Variants in TENM2 observed in about 807,000 individuals in gnomAD.
The protein encoded by TENM2 is teneurin transmembrane protein 2, also known as teneurin-2.
A neutral mutation model predicts 245.2 loss-of-function variants in TENM2; 52 were observed. The observed-to-expected ratio is 0.21, with a 90% CI of 0.17 to 0.27. The LOEUF (loss-of-function observed/expected upper bound fraction) is 0.27, where lower values mean the gene tolerates loss of function less well. TENM2 is among the 10% of genes least tolerant of loss of function. TENM2 has a pLI of 1.00. For synonymous variants in TENM2, 1,363 were observed against 1,438.9 expected, an observed-to-expected ratio of 0.95 and a Z score of 1.19; for missense variants, 3,046 against 3,666.8, an observed-to-expected ratio of 0.83 and a Z score of 4.37.
At chr5:167,156,510 C>A in the TENM2 span, among the ~76,000 whole-genome samples, 6 of 152,118 alleles carry the variant, frequency 3.9e-5, no homozygotes, top group African/African-American at 1.2e-4. Context: ...GGAAAGTTTT[C>A]TTTGTCATTG....
chr5:168,253,229 A>C (rs1767294092), intron 27 of TENM2, among the ~76,000 whole-genome samples: 1 of 151,862 alleles, frequency 6.6e-6, no homozygotes, highest in African/African-American at 2.4e-5. Flanking sequence ...GGCCTCCCAA[A>C]GTGCTGGGAT....
At chr5:167,783,684 C>T (rs564557952) in intron 2 of TENM2, among the ~76,000 whole-genome samples, 9 of 152,170 alleles carry the variant, frequency 5.9e-5, no homozygotes, top group Non-Finnish European at 1.3e-4. Context: ...TAGAGGCAAG[C>T]TTCCAAATCA....
chr5:167,497,226 G>A (rs1305157613), intron 2 of TENM2, among the ~76,000 whole-genome samples: 1 of 152,004 alleles, frequency 6.6e-6, no homozygotes, highest in African/African-American at 2.4e-5. Flanking sequence ...AATGCTACCT[G>A]CTCCTCACTT....
At chr5:167,258,073 A>G in the TENM2 span, among the ~76,000 whole-genome samples, 5 of 151,908 alleles carry the variant, frequency 3.3e-5, no homozygotes, top group African/African-American at 9.7e-5. Flanking sequence ...CAAAATTCAT[A>G]ATGATCATTT....
intron 1 of TENM2, among the ~76,000 whole-genome samples, chr5:167,372,541 C>A (rs1037968329): frequency 6.6e-6 from 1 of 152,158 alleles, no homozygotes; most frequent in African/African-American, 2.4e-5. Flanking sequence ...GTCTTTGAAA[C>A]TAGTTCTAGA....
the TENM2 span, among the ~76,000 whole-genome samples, chr5:167,262,906 TC>T: frequency 6.6e-6 from 1 of 152,116 alleles, no homozygotes; most frequent in East Asian, 1.9e-4. Context: ...AAGTCCAAGA[TC>T]AAGGGAGATT....
At chr5:167,445,369 A>AGAGAGAGAGAGAGAGAGAGAGAGTGT (rs35699708) in intron 2 of TENM2, among the ~76,000 whole-genome samples, 2 of 98,576 alleles carry the variant, frequency 2.0e-5, no homozygotes, top group Non-Finnish European at 3.7e-5. Context: ...AGAGAGAGAG[A>AGAGAGAGAGAGAGAGAGAGAGAGTGT]GTGTCAGGTG....
intron 3 of TENM2, among the ~76,000 whole-genome samples, chr5:167,892,457 C>T (rs1361999794): frequency 6.6e-6 from 1 of 152,092 alleles, no homozygotes; most frequent in African/African-American, 2.4e-5. Flanking sequence ...GGGTGGAGAA[C>T]CAAAAATGTA....
the TENM2 span, among the ~76,000 whole-genome samples, chr5:167,081,654 G>A: frequency 6.6e-6 from 1 of 152,156 alleles, no homozygotes; most frequent in African/African-American, 2.4e-5. Flanking sequence ...AATAAGGCCT[G>A]CTTATTGAGG....
At chr5:167,400,711 G>T (rs945416892) in intron 2 of TENM2, among the ~76,000 whole-genome samples, 21 of 152,052 alleles carry the variant, frequency 1.4e-4, no homozygotes, top group Non-Finnish European at 2.9e-4. Context: ...ATCCAAGGAA[G>T]GTGAGTCAGT....
intron 15 of TENM2, among the ~76,000 whole-genome samples, chr5:168,195,809 G>A (rs1456367473): frequency 6.6e-6 from 1 of 152,070 alleles, no homozygotes; most frequent in East Asian, 1.9e-4. Flanking sequence ...TGTAATCAGA[G>A]AAGTCTAATT....
At chr5:167,133,617 G>GAAAAAAAAAAAAAA in the TENM2 span, among the ~76,000 whole-genome samples, 1 of 67,508 alleles carries the variant, frequency 1.5e-5, no homozygotes, top group East Asian at 3.4e-4. Context: ...ACTCAAACTT[G>GAAAAAAAAAAAAAA]GAAAAAAAAA....
intron 2 of TENM2, among the ~76,000 whole-genome samples, chr5:167,677,355 A>G (rs2150365785): frequency 6.6e-6 from 1 of 152,140 alleles, no homozygotes. Context: ...CTGCAAGGAA[A>G]CATTTCTTAT....
chr5:167,059,260 T>A, the TENM2 span, among the ~76,000 whole-genome samples: 5 of 152,210 alleles, frequency 3.3e-5, no homozygotes, highest in African/African-American at 1.2e-4. Context: ...CAAGTAGTCA[T>A]TCCTAACATG....
the TENM2 span, among the ~76,000 whole-genome samples, chr5:167,230,049 G>A: frequency 0.21 from 31,587 of 152,022 alleles, 3,854 homozygotes; most frequent in African/African-American, 0.34. Flanking sequence ...TGTGGCTCCT[G>A]CCTCAGCCCA....
At chr5:167,165,738 C>G in the TENM2 span, among the ~76,000 whole-genome samples, 1 of 152,130 alleles carries the variant, frequency 6.6e-6, no homozygotes, top group African/African-American at 2.4e-5. Flanking sequence ...AGGTATAAAT[C>G]TTCACTGACC....
At chr5:167,130,592 G>A in the TENM2 span, among the ~76,000 whole-genome samples, 2 of 152,082 alleles carry the variant, frequency 1.3e-5, no homozygotes, top group Non-Finnish European at 1.5e-5. Context: ...TTTCCCATCC[G>A]AAGAGCCCTG....
intron 1 of TENM2, among the ~76,000 whole-genome samples, chr5:167,319,234 A>G (rs952254975): frequency 2.0e-5 from 3 of 152,232 alleles, no homozygotes; most frequent in Non-Finnish European, 2.9e-5. Context: ...GTTAAGGGTC[A>G]GATGCCCTAA....
the TENM2 span, among the ~76,000 whole-genome samples, chr5:167,046,683 C>A: frequency 6.6e-6 from 1 of 152,034 alleles, no homozygotes; most frequent in Non-Finnish European, 1.5e-5. Flanking sequence ...CCTTTCATTT[C>A]TATTTTAAAA....
Sources: allele counts gnomAD v4.1 joint callset (sites outside exome capture counted in the v4.1 genomes callset), GRCh38; gene constraint gnomAD v4.1.1; transcripts MANE v1.5; gene names NCBI Gene and HGNC (gene_info 2026-07-23, HGNC 2026-07-21).